RUNX1: variants seen among roughly 807,000 people sequenced by gnomAD.
RUNX1 encodes the protein RUNX family transcription factor 1.
Under a neutral mutation model 42.8 loss-of-function variants are expected in RUNX1, and 19 were observed. The ratio of observed to expected loss-of-function variants is 0.44; its 90% CI spans 0.31 to 0.65. The LOEUF is 0.65. Among genes scored for constraint, RUNX1 ranks in the 30% least tolerant of loss-of-function variants. The probability of loss-of-function intolerance (pLI) is 0.07; values close to 1 mark genes in which losing one functional copy is unlikely to be tolerated. For missense variants in RUNX1, 528 were observed against 672.0 expected (o/e 0.79, Z 2.37); for synonymous variants, 271 against 289.4 (o/e 0.94, Z 0.64).
chr21:34,967,722 C>T (rs1267202661), intron 2 of RUNX1, among the ~76,000 whole-genome samples: 1 of 152,166 alleles, frequency 6.6e-6, no homozygotes, highest in Non-Finnish European at 1.5e-5. Flanking sequence ...TCTGAGCTCT[C>T]CCTAGCAGGG....
chr21:34,889,903 G>A, intron 3 of RUNX1: 1 of 1,008,576 alleles, frequency 9.9e-7, no homozygotes, highest in Non-Finnish European at 1.2e-6. Flanking sequence ...CCACCCCGGG[G>A]CTGCAACCCA....
chr21:35,019,177 C>T (rs559221098), intron 2 of RUNX1, among the ~76,000 whole-genome samples: 37 of 152,364 alleles, frequency 2.4e-4, no homozygotes, highest in Admixed American at 6.5e-4. Context: ...AAGTGATCCA[C>T]TCATCGTCCT....
chr21:34,970,326 AC>A (rs1391260241), intron 2 of RUNX1, among the ~76,000 whole-genome samples: 1 of 152,226 alleles, frequency 6.6e-6, no homozygotes, highest in Non-Finnish European at 1.5e-5. Context: ...TGACTCCAAC[AC>A]CATTAAGGGT....
At chr21:34,882,713 G>A (rs1387603122) in intron 4 of RUNX1, among the ~76,000 whole-genome samples, 1 of 146,770 alleles carries the variant, frequency 6.8e-6, no homozygotes, top group Admixed American at 6.8e-5. Context: ...TTCTATTCCC[G>A]AAAAATGGGC....
At chr21:34,892,809 ATTAT>A (rs1351051205) in intron 3 of RUNX1, 112 bp downstream of exon 3, 3 of 678,942 alleles carry the variant, frequency 4.4e-6, no homozygotes, top group Non-Finnish European at 7.8e-6. Context: ...AACAGCCTTA[ATTAT>A]TTGGTTAAAT....
chr21:34,980,267 T>C (rs2058837550), intron 2 of RUNX1, among the ~76,000 whole-genome samples: 1 of 152,116 alleles, frequency 6.6e-6, no homozygotes, highest in East Asian at 1.9e-4. Context: ...ATCTTGCAAG[T>C]ACCCAGGGAA....
chr21:34,813,232 G>C (rs1238354444), intron 7 of RUNX1, among the ~76,000 whole-genome samples: 2 of 152,076 alleles, frequency 1.3e-5, no homozygotes, highest in Non-Finnish European at 1.5e-5. Flanking sequence ...GCACAGGATG[G>C]CCCCTACAAC....
chr21:34,862,210 A>T (rs1438175201), intron 5 of RUNX1, among the ~76,000 whole-genome samples: 1 of 152,040 alleles, frequency 6.6e-6, no homozygotes, highest in Non-Finnish European at 1.5e-5. Context: ...TCCAGATCTC[A>T]GTTTCCTCAT....
chr21:34,915,037 G>A (rs952781209), intron 2 of RUNX1, among the ~76,000 whole-genome samples: 3 of 152,146 alleles, frequency 2.0e-5, no homozygotes, highest in Non-Finnish European at 2.9e-5. Flanking sequence ...ATTATAGAAT[G>A]AGGATAACGA....
At chr21:34,836,127 T>C (rs1019043155) in intron 6 of RUNX1, among the ~76,000 whole-genome samples, 2 of 152,224 alleles carry the variant, frequency 1.3e-5, no homozygotes, top group African/African-American at 4.8e-5. Flanking sequence ...ATAATATTTA[T>C]GTAGTTCAAA....
chr21:34,787,883 AAG>A lies in RUNX1; in HGVS notation c.*4250_*4251del, dbSNP rs2056387758. 2 of 233,202 alleles carry A rather than the reference AAG, an allele frequency of 8.6e-6. No individual in the cohort carries two copies. The highest frequency in any genetic ancestry group is 5.6e-5 in the Admixed American group (1 of 17,786). The allele number at this position is 233,202 out of a possible 1,614,324, so 14.4% of individuals were successfully genotyped here. ...GATTTACAGAAGAAACTGTGGTACA[AAG>A]AGAGGAAGGCTCTGGTGGCTCCTGA... On this transcript the variant is annotated 3_prime_UTR_variant, in exon 9 of 9. Transcript: ENST00000675419.
intron 6 of RUNX1, 90 bp downstream of exon 6, chr21:34,859,384 C>T (rs768785087): frequency 6.5e-6 from 7 of 1,077,658 alleles, no homozygotes; most frequent in Non-Finnish European, 1.0e-5. Context: ...AAGGTTGAAC[C>T]CAAGGAATCT....
chr21:34,871,707 C>T (rs1046431570), intron 5 of RUNX1, among the ~76,000 whole-genome samples: 17 of 152,314 alleles, frequency 1.1e-4, no homozygotes, highest in East Asian at 5.8e-4. Flanking sequence ...ATCCTGTGGG[C>T]GGCAAACCCA....
At chr21:35,038,229 C>G (rs1023955188) in intron 2 of RUNX1, among the ~76,000 whole-genome samples, 1 of 152,112 alleles carries the variant, frequency 6.6e-6, no homozygotes, top group Non-Finnish European at 1.5e-5. Context: ...AGGGAGAAAC[C>G]AATACCTCGA....
rs540371554 is a variant in RUNX1 at position 34,925,308 on chromosome 21, A to G, written c.59-32345T>C. Among the ~76,000 whole-genome samples, 7 of 152,328 alleles carry G rather than the reference A, an allele frequency of 4.6e-5. No homozygotes were observed. In the East Asian group the frequency reaches 1.3e-3, roughly 29 times the overall value. On this transcript the variant is annotated intron_variant, in intron 2 of 8. Transcript: ENST00000675419. ...TTATGGGTTGAATTGTGTCCCTCCT[A>G]AAAGATATGTTGAAGTCCTAATCTC...
chr21:34,887,629 C>G, intron 3 of RUNX1: 7 of 1,083,142 alleles, frequency 6.5e-6, no homozygotes, highest in Non-Finnish European at 7.9e-6. Context: ...TCATGCAAAA[C>G]TGGCTTCAGT....
At chr21:35,048,590 G>C (rs1373280404) in intron 2 of RUNX1, among the ~76,000 whole-genome samples, 1 of 152,196 alleles carries the variant, frequency 6.6e-6, no homozygotes, top group Non-Finnish European at 1.5e-5. Flanking sequence ...ACTTGACAAA[G>C]TTCTCACGCA....
chr21:34,867,240 TATAAAAAATAAAATAAAATAAAATAAAA>T (rs1193166414), intron 5 of RUNX1, among the ~76,000 whole-genome samples: 3 of 151,108 alleles, frequency 2.0e-5, no homozygotes, highest in East Asian at 3.9e-4. Context: ...CTACCAAAAA[TATAAAAAATAAAATAAAATAAAATAAAA>T]ATAAAAAATA....
At chr21:35,020,728 G>A (rs538441733) in intron 2 of RUNX1, among the ~76,000 whole-genome samples, 50 of 152,130 alleles carry the variant, frequency 3.3e-4, no homozygotes, top group Non-Finnish European at 6.0e-4. Flanking sequence ...CTGTGGTCTA[G>A]GCTGATGTGC....
Sources: allele counts gnomAD v4.1 joint callset (sites outside exome capture counted in the v4.1 genomes callset), GRCh38; gene constraint gnomAD v4.1.1; transcripts MANE v1.5; gene names NCBI Gene and HGNC (gene_info 2026-07-23, HGNC 2026-07-21).